The following B3GALT1 variants were observed in gnomAD, a reference collection of about 807,000 sequenced individuals.
The protein encoded by B3GALT1 is UDP-Gal:betaGlcNAc beta 1,3-galactosyltransferase, polypeptide 1.
Under a neutral mutation model 23.2 loss-of-function variants are expected in B3GALT1, and 10 were observed. That is an observed-to-expected ratio of 0.43 (90% CI 0.27 to 0.73). The LOEUF (loss-of-function observed/expected upper bound fraction) is 0.73. Among genes scored for constraint, B3GALT1 ranks in the 30% least tolerant of loss-of-function variants. The pLI is 0.21. For missense variants in B3GALT1, 299 were observed against 405.4 expected (o/e 0.74, Z 2.25); for synonymous variants, 156 against 141.5 (o/e 1.10, Z -0.73).
chr2:167,631,873 C>T (rs58294324), intron 2 of B3GALT1, among the ~76,000 whole-genome samples: 8,999 of 150,586 alleles, frequency 0.06, 384 homozygotes, highest in African/African-American at 0.11. Flanking sequence ...TAGGTATACC[C>T]GTACCATGCT....
At chr2:167,505,669 C>A (rs976742463) in intron 2 of B3GALT1, among the ~76,000 whole-genome samples, 1 of 152,008 alleles carries the variant, frequency 6.6e-6, no homozygotes, top group African/African-American at 2.4e-5. Flanking sequence ...TCATTGATAC[C>A]CTGTTCACAA....
chr2:167,662,940 T>G (rs1054682283), intron 3 of B3GALT1, among the ~76,000 whole-genome samples: 1 of 152,054 alleles, frequency 6.6e-6, no homozygotes, highest in Non-Finnish European at 1.5e-5. Flanking sequence ...ACTTTCTTTT[T>G]TTTTATTGTA....
intron 3 of B3GALT1, among the ~76,000 whole-genome samples, chr2:167,745,209 C>CTGATGTAGAGTAG (rs756467187): frequency 6.6e-6 from 1 of 151,928 alleles, no homozygotes; most frequent in South Asian, 2.1e-4. Flanking sequence ...TGATATTCCT[C>CTGATGTAGAGTAG]AATATATTAA....
chr2:167,713,241 C>T (rs1027242347), intron 3 of B3GALT1, among the ~76,000 whole-genome samples: 11 of 152,138 alleles, frequency 7.2e-5, no homozygotes, highest in African/African-American at 1.7e-4. Context: ...ACTGCAAGAA[C>T]ATGTATAAAT....
chr2:167,317,617 C>T (rs1696739562), intron 1 of B3GALT1, among the ~76,000 whole-genome samples: 1 of 152,074 alleles, frequency 6.6e-6, no homozygotes, highest in African/African-American at 2.4e-5. Flanking sequence ...TCCATATTTA[C>T]ATCCAGCATA....
rs201564073 is a variant in B3GALT1 at position 167,443,209 on chromosome 2, G to C, written c.-510-46968G>C. ...TAGATATGCGGCGTTATTTCTGAGGGCTCTGTTCTGTTCCATTGATCTATA... is the reference window on the plus strand; with the variant it reads ...TAGATATGCGGCGTTATTTCTGAGGCCTCTGTTCTGTTCCATTGATCTATA... On this transcript the variant is annotated intron_variant, in intron 1 of 4. Transcript: ENST00000392690. Among the ~76,000 whole-genome samples the C allele has an allele frequency of 7.5e-4, 114 of 151,838 alleles. 1 individual carries two copies. The East Asian group carries it at 0.018, about 24-fold the overall frequency.
chr2:167,611,603 C>T (rs572341246), intron 2 of B3GALT1, among the ~76,000 whole-genome samples: 4 of 151,914 alleles, frequency 2.6e-5, no homozygotes, highest in Non-Finnish European at 4.4e-5. Flanking sequence ...ACATTGCCAG[C>T]GAGTTGTAGT....
rs538725328 is a variant in B3GALT1 at position 167,833,857 on chromosome 2, G to C, written c.-230+15064G>C. ...TGGAAGCTCCTGCTGTAATTCCTAAGATACATCTGTATCTAAGGTACTGTT... is the reference window on the plus strand; with the variant it reads ...TGGAAGCTCCTGCTGTAATTCCTAACATACATCTGTATCTAAGGTACTGTT... On this transcript the variant is annotated intron_variant, in intron 4 of 4. Transcript: ENST00000392690. Among the ~76,000 whole-genome samples the C allele has an allele frequency of 2.4e-4, 37 of 152,280 alleles. No individual in the cohort carries two copies. The South Asian group carries it at 5.4e-3, about 22-fold the overall frequency.
intron 3 of B3GALT1, among the ~76,000 whole-genome samples, chr2:167,702,380 A>G (rs1686894685): frequency 6.6e-6 from 1 of 152,242 alleles, no homozygotes; most frequent in African/African-American, 2.4e-5. Context: ...ATATTCTTCC[A>G]TCTTCAATTT....
intron 4 of B3GALT1, among the ~76,000 whole-genome samples, chr2:167,833,584 C>T (rs148070151): frequency 8.5e-5 from 13 of 152,218 alleles, no homozygotes; most frequent in East Asian, 5.8e-4. Flanking sequence ...AGAAAAACTA[C>T]GCGTGATGTA....
chr2:167,714,043 C>G, intron 3 of B3GALT1: 1 of 1,538,894 alleles, frequency 6.5e-7, no homozygotes, highest in Non-Finnish European at 9.0e-7. Flanking sequence ...ATGAATCAGG[C>G]ACATTTAAAT....
intron 1 of B3GALT1, among the ~76,000 whole-genome samples, chr2:167,308,092 G>T (rs926717560): frequency 6.6e-6 from 1 of 151,972 alleles, no homozygotes; most frequent in African/African-American, 2.4e-5. Flanking sequence ...GTTAGAAATA[G>T]AATTGTTAAT....
At chr2:167,331,632 G>A (rs942565846) in intron 1 of B3GALT1, among the ~76,000 whole-genome samples, 3 of 152,146 alleles carry the variant, frequency 2.0e-5, no homozygotes, top group African/African-American at 7.2e-5. Context: ...GCTGGGCTGA[G>A]TGATCCCCAG....
At chr2:167,856,411 G>A (rs1690000857) in intron 4 of B3GALT1, among the ~76,000 whole-genome samples, 1 of 152,158 alleles carries the variant, frequency 6.6e-6, no homozygotes. Flanking sequence ...TATTTGGAGA[G>A]TCAATAGCAG....
At chr2:167,406,704 A>T (rs1485473887) in intron 1 of B3GALT1, among the ~76,000 whole-genome samples, 1 of 152,182 alleles carries the variant, frequency 6.6e-6, no homozygotes, top group Non-Finnish European at 1.5e-5. Context: ...AGGGGGCAGG[A>T]CTGACATTCC....
chr2:167,635,560 A>G (rs1685536298), intron 2 of B3GALT1, among the ~76,000 whole-genome samples: 1 of 152,120 alleles, frequency 6.6e-6, no homozygotes, highest in African/African-American at 2.4e-5. Context: ...AATAACAGAC[A>G]GAGAGCCAAA....
rs117763661 is a variant in B3GALT1, at chr2:167,581,145, A to C, written c.-409-65764A>C. Among the ~76,000 whole-genome samples, 655 of 152,312 alleles carry C rather than the reference A, an allele frequency of 4.3e-3. 22 individuals carry two copies. The East Asian group carries it at 0.084, about 19-fold the overall frequency. ...TATTAAAGGTTTTCTGTTCCTACAG[A>C]GTAAAGGATCATCCATTATCAATTC... On this transcript the variant is annotated intron_variant, in intron 2 of 4. Coordinates refer to ENST00000392690, the MANE Select transcript of B3GALT1 (RefSeq NM_020981.4).
At chr2:167,787,365 C>G (rs1574262287) in intron 3 of B3GALT1, among the ~76,000 whole-genome samples, 1 of 152,126 alleles carries the variant, frequency 6.6e-6, no homozygotes, top group African/African-American at 2.4e-5. Flanking sequence ...ATGCAGCAAA[C>G]CAGATCCCTG....
At chr2:167,375,330 T>C (rs545958738) in intron 1 of B3GALT1, among the ~76,000 whole-genome samples, 1 of 152,148 alleles carries the variant, frequency 6.6e-6, no homozygotes, top group Non-Finnish European at 1.5e-5. Context: ...GGCTCTTTTT[T>C]AGTTCCATAT....
Sources: allele counts gnomAD v4.1 joint callset (sites outside exome capture counted in the v4.1 genomes callset), GRCh38; gene constraint gnomAD v4.1.1; transcripts MANE v1.5; gene names NCBI Gene and HGNC (gene_info 2026-07-23, HGNC 2026-07-21).